Variants in RBFOX1 observed in about 807,000 individuals in gnomAD.
RBFOX1 encodes the protein RNA binding protein fox-1 homolog 1.
A neutral mutation model predicts 57.7 loss-of-function variants in RBFOX1; 8 were observed. The ratio of observed to expected loss-of-function variants is 0.14; its 90% CI spans 0.08 to 0.25. The LOEUF is 0.25. RBFOX1 is among the 10% of genes least tolerant of loss of function. RBFOX1 has a pLI of 1.00. For missense variants in RBFOX1, 611 were observed against 548.5 expected, an observed-to-expected ratio of 1.11 and a Z score of -1.14; for synonymous variants, 326 against 222.4, an observed-to-expected ratio of 1.47 and a Z score of -4.15.
intron 3 of RBFOX1, among the ~76,000 whole-genome samples, chr16:5,639,813 C>G (rs558950292): frequency 4.6e-5 from 7 of 152,300 alleles, no homozygotes; most frequent in Admixed American, 4.6e-4. Context: ...TGGTGTCGCT[C>G]TGTTCTCTTT....
chr16:5,954,104 A>G (rs1351601288), intron 4 of RBFOX1, among the ~76,000 whole-genome samples: 2 of 152,182 alleles, frequency 1.3e-5, no homozygotes, highest in Admixed American at 6.5e-5. Context: ...GCCATCGAGA[A>G]TGACGCAGTC....
At chr16:7,057,719 C>G (rs945384524) in intron 4 of RBFOX1, among the ~76,000 whole-genome samples, 1 of 152,118 alleles carries the variant, frequency 6.6e-6, no homozygotes, top group Non-Finnish European at 1.5e-5. Context: ...GTAAATAACA[C>G]CATAGATGCC....
At chr16:7,115,178 C>T (rs1216665946) in intron 4 of RBFOX1, among the ~76,000 whole-genome samples, 1 of 151,978 alleles carries the variant, frequency 6.6e-6, no homozygotes, top group Non-Finnish European at 1.5e-5. Flanking sequence ...TATAAAGAAA[C>T]CTGGTATTTT....
chr16:6,808,983 C>T (rs910314406), intron 3 of RBFOX1, among the ~76,000 whole-genome samples: 1 of 152,166 alleles, frequency 6.6e-6, no homozygotes, highest in Admixed American at 6.5e-5. Flanking sequence ...GAACTGTAAC[C>T]TAGCTTAATA....
Position 7,552,013 on chromosome 16 carries a change from A to G in RBFOX1, c.271-27764A>G, listed in dbSNP as rs111488096. Among the ~76,000 whole-genome samples the G allele has an allele frequency of 2.3e-3, 356 of 152,222 alleles. 1 individual carries two copies. The highest frequency in any genetic ancestry group is 7.9e-3 in the African/African-American group (327 of 41,546). On this transcript the variant is annotated intron_variant, in intron 5 of 15. Transcript: ENST00000550418. Reference sequence around the variant, plus strand: ...CACATCCTCCATTTCTTCATTCTCTATGATGTTCAGGGCAGGTATTTTTAC... The same window carrying G: ...CACATCCTCCATTTCTTCATTCTCTGTGATGTTCAGGGCAGGTATTTTTAC...
At chr16:7,414,217 A>C (rs908921474) in intron 4 of RBFOX1, among the ~76,000 whole-genome samples, 5 of 152,252 alleles carry the variant, frequency 3.3e-5, no homozygotes, top group East Asian at 1.9e-4. Context: ...TGCAGGTGGT[A>C]GGGATACAGA....
intron 4 of RBFOX1, among the ~76,000 whole-genome samples, chr16:7,507,432 TC>T (rs2073678042): frequency 2.0e-5 from 3 of 152,112 alleles, no homozygotes; most frequent in African/African-American, 7.2e-5. Flanking sequence ...AGAACATTTT[TC>T]TCCAGGATTG....
At chr16:5,845,212 G>C (rs899109358) in intron 3 of RBFOX1, among the ~76,000 whole-genome samples, 3 of 151,830 alleles carry the variant, frequency 2.0e-5, no homozygotes, top group African/African-American at 7.3e-5. Context: ...TTGCCAAGGG[G>C]GTATTACTCA....
chr16:6,256,263 ATATATATGTATATATATATG>A (rs2097665790), intron 1 of RBFOX1, among the ~76,000 whole-genome samples: 1 of 115,362 alleles, frequency 8.7e-6, no homozygotes, highest in Non-Finnish European at 1.7e-5. Context: ...ATATGTGTAT[ATATATATGTATATATATATG>A]TGTGTATATA....
At chr16:5,594,969 TAAAAAA>T (rs34885484) in intron 2 of RBFOX1, among the ~76,000 whole-genome samples, 12,561 of 90,280 alleles carry the variant, frequency 0.14, 878 homozygotes, top group East Asian at 0.38. Context: ...CTGTCTCTAC[TAAAAAA>T]AAAAAAAAAA....
chr16:6,574,316 G>A (rs192852329), intron 2 of RBFOX1, among the ~76,000 whole-genome samples: 1 of 152,124 alleles, frequency 6.6e-6, no homozygotes, highest in East Asian at 1.9e-4. Flanking sequence ...TCTCCCCATG[G>A]CAACAGGATA....
Position 7,671,513 on chromosome 16 carries a change from T to G in RBFOX1, c.931-5261T>G, listed in dbSNP as rs767472133. 1.9e-5 allele frequency: 29 copies of G among 1,534,016 alleles called. No individual in the cohort carries two copies. The East Asian group carries it at 4.0e-4, about 21-fold the overall frequency. On this transcript the variant is annotated intron_variant, in intron 13 of 15. Coordinates refer to ENST00000550418, the MANE Select transcript of RBFOX1 (RefSeq NM_018723.4). Reference sequence around the variant, plus strand: ...TGACTTATGCATTCTCTTTTATTTATTTCATTTTTGCATTGAAAACATTAC... The same window carrying G: ...TGACTTATGCATTCTCTTTTATTTAGTTCATTTTTGCATTGAAAACATTAC...
chr16:7,417,124 C>T (rs1317541841), intron 4 of RBFOX1, among the ~76,000 whole-genome samples: 3 of 152,036 alleles, frequency 2.0e-5, no homozygotes, highest in African/African-American at 4.8e-5. Flanking sequence ...AATCCCAGCA[C>T]TTTGGGAGGC....
At chr16:5,266,970 TG>T (rs2062875107) in intron 1 of RBFOX1, among the ~76,000 whole-genome samples, 1 of 152,108 alleles carries the variant, frequency 6.6e-6, no homozygotes, top group African/African-American at 2.4e-5. Flanking sequence ...AGGAATGATT[TG>T]TAGAGTGATT....
At chr16:7,413,968 A>G (rs1187274148) in intron 4 of RBFOX1, among the ~76,000 whole-genome samples, 1 of 152,098 alleles carries the variant, frequency 6.6e-6, no homozygotes, top group South Asian at 2.1e-4. Flanking sequence ...CTCCAAGGAG[A>G]TGGTTCTCAG....
At chr16:7,653,065 GTA>G (rs113683782) in intron 11 of RBFOX1, among the ~76,000 whole-genome samples, 1 of 152,134 alleles carries the variant, frequency 6.6e-6, no homozygotes, top group African/African-American at 2.4e-5. Flanking sequence ...GTACATATAT[GTA>G]TATATACATG....
At chr16:6,618,005 C>T (rs188331318) in intron 2 of RBFOX1, among the ~76,000 whole-genome samples, 5 of 152,238 alleles carry the variant, frequency 3.3e-5, no homozygotes, top group African/African-American at 9.6e-5. Context: ...TTTTCCTATC[C>T]ACCTGGCAAA....
intron 3 of RBFOX1, among the ~76,000 whole-genome samples, chr16:6,855,387 C>G (rs1266400671): frequency 6.6e-6 from 1 of 152,080 alleles, no homozygotes; most frequent in Non-Finnish European, 1.5e-5. Flanking sequence ...CGCAGTGGCT[C>G]ACGCCTGTAA....
chr16:7,625,859 C>G (rs1173175685), intron 10 of RBFOX1, among the ~76,000 whole-genome samples: 5 of 152,304 alleles, frequency 3.3e-5, no homozygotes, highest in African/African-American at 4.8e-5. Flanking sequence ...CCTTTGGATT[C>G]TCACTTCATT....
Sources: allele counts gnomAD v4.1 joint callset (sites outside exome capture counted in the v4.1 genomes callset), GRCh38; gene constraint gnomAD v4.1.1; transcripts MANE v1.5; gene names NCBI Gene and HGNC (gene_info 2026-07-23, HGNC 2026-07-21).